BAIAP2L1: variants seen among roughly 807,000 people sequenced by gnomAD.
BAIAP2L1 encodes the protein BAR/IMD domain-containing adapter protein 2-like 1.
Under a neutral mutation model 66.3 loss-of-function variants are expected in BAIAP2L1, and 35 were observed. That is an observed-to-expected ratio of 0.53 (90% confidence interval 0.40 to 0.70). The LOEUF (loss-of-function observed/expected upper bound fraction) is 0.70, where lower values mean the gene tolerates loss of function less well. Among genes scored for constraint, BAIAP2L1 ranks in the 30% least tolerant of loss-of-function variants. BAIAP2L1 has a pLI of 0.00. For synonymous variants in BAIAP2L1, 269 were observed against 248.7 expected, an observed-to-expected ratio of 1.08 and a Z score of -0.77; for missense variants, 622 against 656.9, an observed-to-expected ratio of 0.95 and a Z score of 0.58.
At chr7:98,374,761 T>C (rs768029420) in intron 1 of BAIAP2L1, among the ~76,000 whole-genome samples, 1 of 151,498 alleles carries the variant, frequency 6.6e-6, no homozygotes, top group Non-Finnish European at 1.5e-5. Flanking sequence ...TTCTTTCCCA[T>C]AAAAAAAATA....
chr7:98,355,403 C>T (rs767309988), intron 2 of BAIAP2L1: 117 of 463,040 alleles, frequency 2.5e-4, no homozygotes, highest in Non-Finnish European at 4.3e-4. Flanking sequence ...TCAGCTTGCT[C>T]CTGATGCCAG....
At chr7:98,395,454 G>T (rs1429041611) in intron 1 of BAIAP2L1, among the ~76,000 whole-genome samples, 2 of 121,836 alleles carry the variant, frequency 1.6e-5, no homozygotes, top group Non-Finnish European at 1.8e-5. Flanking sequence ...AAAAAAAAAA[G>T]TTAGGAGAGG....
Position 98,293,587 on chromosome 7 carries a change from G to A in BAIAP2L1, c.1470C>T (p.Asn490=). ...GGCGGAGTTTCACAGTGGCAAAGGGGTTTTCTCCGCTGCAGGGGATAAGAA... is the reference window on the plus strand; with the variant it reads ...GGCGGAGTTTCACAGTGGCAAAGGGATTTTCTCCGCTGCAGGGGATAAGAA... ...TAKPPFLSGE[N]PFATVKLRPT... is the part of the protein sequence containing the mutation. Residue 490 remains asparagine, a synonymous_variant, in exon 14 of 14, where the codon AAC becomes AAT. Coordinates refer to ENST00000005260, the MANE Select transcript of BAIAP2L1 (RefSeq NM_018842.5). 1 of 1,613,756 alleles carries A rather than the reference G, an allele frequency of 6.2e-7. No individual in the cohort carries two copies. Among genetic ancestry groups the A allele is most frequent in the South Asian group, 1.1e-5 (1 of 91,070 alleles).
chr7:98,315,614 T>TAA lies in BAIAP2L1; in HGVS notation c.487-4_487-3dup, dbSNP rs80039560. 109 of 771,532 alleles carry TAA rather than the reference T, an allele frequency of 1.4e-4. No individual in the cohort carries two copies. Among genetic ancestry groups the TAA allele is most frequent in the South Asian group, 3.9e-4 (12 of 30,632 alleles). The allele number at this position is 771,532 out of a possible 1,614,324, so 47.8% of individuals were successfully genotyped here. A position where few individuals can be genotyped will look rare whatever the true frequency, so the allele number is the denominator to read the frequency against. On this transcript the variant is annotated splice_polypyrimidine_tract_variant and splice_region_variant and intron_variant, in intron 6 of 13. Coordinates refer to ENST00000005260, the MANE Select transcript of BAIAP2L1 (RefSeq NM_018842.5). ...ACGAGAAGTAACGGTCTCCACATAC[T>TAA]AAAAAAAAAAAAATAATAATAATAA...
At chr7:98,370,344 A>T (rs148481777) in intron 1 of BAIAP2L1, among the ~76,000 whole-genome samples, 2,259 of 138,276 alleles carry the variant, frequency 0.016, 63 homozygotes, top group African/African-American at 0.057. Context: ...ACTGCACTCC[A>T]GCCTGGCAAC....
At chr7:98,332,205 G>C (rs1357690604) in intron 3 of BAIAP2L1, among the ~76,000 whole-genome samples, 1 of 150,156 alleles carries the variant, frequency 6.7e-6, no homozygotes, top group East Asian at 2.0e-4. Context: ...CAACATGGTG[G>C]AACTCTGTCT....
chr7:98,339,992 C>A, intron 3 of BAIAP2L1, among the ~76,000 whole-genome samples: 1 of 152,096 alleles, frequency 6.6e-6, no homozygotes, highest in East Asian at 1.9e-4. Flanking sequence ...TGGCTGACAG[C>A]GTGAGGACAG....
chr7:98,396,659 G>A (rs1256664439), intron 1 of BAIAP2L1, among the ~76,000 whole-genome samples: 1 of 152,108 alleles, frequency 6.6e-6, no homozygotes, highest in Non-Finnish European at 1.5e-5. Flanking sequence ...GCCAGGCGTG[G>A]CGGCTGTAGT....
chr7:98,335,779 C>T (rs566457237), intron 3 of BAIAP2L1, among the ~76,000 whole-genome samples: 22 of 152,294 alleles, frequency 1.4e-4, no homozygotes, highest in South Asian at 4.2e-4. Flanking sequence ...GAAGGACCAC[C>T]GGGACACCTT....
intron 5 of BAIAP2L1, among the ~76,000 whole-genome samples, chr7:98,318,107 A>C (rs906759284): frequency 1.6e-4 from 24 of 152,046 alleles, no homozygotes; most frequent in African/African-American, 5.8e-4. Flanking sequence ...CACTGGTTAG[A>C]GCCCTCACCC....
chr7:98,354,945 A>T (rs909507679), intron 3 of BAIAP2L1, 97 bp downstream of exon 3: 2 of 878,236 alleles, frequency 2.3e-6, no homozygotes, highest in African/African-American at 3.3e-5. Context: ...GCTGGCCCAG[A>T]TCTCTCCTCT....
intron 2 of BAIAP2L1, among the ~76,000 whole-genome samples, chr7:98,359,033 G>A (rs1271111352): frequency 6.6e-6 from 1 of 152,150 alleles, no homozygotes; most frequent in Admixed American, 6.5e-5. Flanking sequence ...ACAGAGTCTG[G>A]CCTCCTTGAA....
At chr7:98,399,318 T>C (rs1803293539) in intron 1 of BAIAP2L1, among the ~76,000 whole-genome samples, 1 of 152,180 alleles carries the variant, frequency 6.6e-6, no homozygotes, top group African/African-American at 2.4e-5. Context: ...ATACACTTTG[T>C]GTGTTAAGAT....
chr7:98,327,971 T>C (rs1484653513), intron 3 of BAIAP2L1, among the ~76,000 whole-genome samples: 1 of 151,978 alleles, frequency 6.6e-6, no homozygotes, highest in African/African-American at 2.4e-5. Flanking sequence ...GGCTGAAGAC[T>C]TGGAGGTGAA....
intron 3 of BAIAP2L1, among the ~76,000 whole-genome samples, chr7:98,334,692 C>T (rs1451714305): frequency 6.6e-6 from 1 of 151,744 alleles, no homozygotes; most frequent in Non-Finnish European, 1.5e-5. Context: ...ACTATAGGTG[C>T]CCCCCACCAC....
chr7:98,351,160 C>T (rs1002717082), intron 3 of BAIAP2L1, among the ~76,000 whole-genome samples: 1 of 152,122 alleles, frequency 6.6e-6, no homozygotes, highest in Non-Finnish European at 1.5e-5. Context: ...TGTACCCGGC[C>T]ACAATTATGA....
intron 1 of BAIAP2L1, among the ~76,000 whole-genome samples, chr7:98,395,209 G>A (rs1270234489): frequency 6.6e-6 from 1 of 151,428 alleles, no homozygotes; most frequent in Non-Finnish European, 1.5e-5. Flanking sequence ...GGAGGCCGAG[G>A]TGGGTGGATC....
chr7:98,315,051 T>C (rs937524550), intron 7 of BAIAP2L1, among the ~76,000 whole-genome samples: 2 of 152,228 alleles, frequency 1.3e-5, no homozygotes, highest in Admixed American at 6.5e-5. Context: ...AATCTTTTCA[T>C]TGGCAAAATG....
intron 3 of BAIAP2L1, among the ~76,000 whole-genome samples, chr7:98,351,797 C>T (rs1048231427): frequency 1.3e-5 from 2 of 152,134 alleles, no homozygotes; most frequent in Non-Finnish European, 2.9e-5. Flanking sequence ...CTACATTATT[C>T]ACACAGCAGT....
Sources: allele counts gnomAD v4.1 joint callset (sites outside exome capture counted in the v4.1 genomes callset), GRCh38; gene constraint gnomAD v4.1.1; transcripts MANE v1.5; gene names NCBI Gene and HGNC (gene_info 2026-07-23, HGNC 2026-07-21).